SLC9C1: variants seen among roughly 807,000 people sequenced by gnomAD.
SLC9C1 encodes the protein solute carrier family 9 member C1.
In SLC9C1, 97 loss-of-function variants were observed where a neutral mutation model predicts 140.9. That is an observed-to-expected ratio of 0.69 (90% confidence interval 0.58 to 0.82). SLC9C1 has a LOEUF of 0.82. Ranked by LOEUF, SLC9C1 falls within the 40% of genes least tolerant of loss-of-function variation. SLC9C1 has a pLI of 0.00. For synonymous variants in SLC9C1, 440 were observed against 442.6 expected (o/e 0.99, Z 0.07); for missense variants, 1,340 against 1,389.3 (o/e 0.96, Z 0.56).
At chr3:112,202,515 A>G in intron 17 of SLC9C1, 116 bp from the exon 18 acceptor site, 1 of 971,436 alleles carries the variant, frequency 1.0e-6, no homozygotes, top group Non-Finnish European at 1.5e-6. Flanking sequence ...AAAGGTAACT[A>G]CAATAACCTG....
At position 112,160,069 on chromosome 3, in the gene SLC9C1, A is replaced by G. The variant is rs567901263; in HGVS notation, c.3365-5020T>C. ...ATGTAGTCCATTTACATTCATTGTT[A>G]CTACTAATAGGTAGGGACTTACTAC... is the stretch of plus-strand genomic sequence containing the variant. On this transcript the variant is annotated intron_variant, in intron 26 of 28. Coordinates refer to ENST00000305815, the MANE Select transcript of SLC9C1 (RefSeq NM_183061.3). Among the ~76,000 whole-genome samples, 21 of 151,854 alleles carry G rather than the reference A, an allele frequency of 1.4e-4. No homozygotes were observed. In the East Asian group the frequency reaches 4.1e-3, roughly 29 times the overall value.
chr3:112,202,823 C>T (rs1389282009), intron 17 of SLC9C1, among the ~76,000 whole-genome samples: 2 of 151,972 alleles, frequency 1.3e-5, no homozygotes, highest in African/African-American at 4.8e-5. Context: ...CACAACCATA[C>T]TGCCTGTTAG....
intron 20 of SLC9C1, among the ~76,000 whole-genome samples, chr3:112,186,816 A>G (rs2077549696): frequency 6.6e-6 from 1 of 152,218 alleles, no homozygotes; most frequent in Non-Finnish European, 1.5e-5. Context: ...AGTCGCTTAA[A>G]TAGTGACAAA....
At chr3:112,215,057 A>G (rs549336476) in intron 15 of SLC9C1, among the ~76,000 whole-genome samples, 101 of 152,330 alleles carry the variant, frequency 6.6e-4, no homozygotes, top group Non-Finnish European at 1.2e-3. Flanking sequence ...GGTTCAACAT[A>G]CACAAATCAA....
chr3:112,160,668 A>C (rs2075271092), intron 26 of SLC9C1, among the ~76,000 whole-genome samples: 1 of 151,156 alleles, frequency 6.6e-6, no homozygotes, highest in Non-Finnish European at 1.5e-5. Flanking sequence ...CCAGTCTATC[A>C]TTGTTGGACA....
chr3:112,177,799 T>TA (rs201008640), intron 23 of SLC9C1, among the ~76,000 whole-genome samples: 13 of 149,368 alleles, frequency 8.7e-5, no homozygotes, highest in Non-Finnish European at 1.6e-4. Flanking sequence ...GTTTTTTTTT[T>TA]ATAGCAGATG....
At chr3:112,259,227 T>G (rs1053099362) in intron 10 of SLC9C1, among the ~76,000 whole-genome samples, 1 of 151,990 alleles carries the variant, frequency 6.6e-6, no homozygotes, top group Non-Finnish European at 1.5e-5. Flanking sequence ...TTCTTACTTA[T>G]AAGTGGGAGC....
chr3:112,150,257 T>C (rs538235878), intron 28 of SLC9C1, among the ~76,000 whole-genome samples: 7 of 152,304 alleles, frequency 4.6e-5, no homozygotes, highest in African/African-American at 1.7e-4. Flanking sequence ...AAAAATGGCA[T>C]CCTGCTCTCA....
At chr3:112,218,108 C>G (rs1466911731) in intron 14 of SLC9C1, among the ~76,000 whole-genome samples, 1 of 151,070 alleles carries the variant, frequency 6.6e-6, no homozygotes, top group African/African-American at 2.4e-5. Context: ...AGAAAAGTCA[C>G]TGGTCATAAG....
At chr3:112,289,319 TTGTC>T (rs1419700594) in intron 1 of SLC9C1, among the ~76,000 whole-genome samples, 3 of 152,160 alleles carry the variant, frequency 2.0e-5, no homozygotes, top group Admixed American at 6.5e-5. Context: ...GATCTGCGCT[TTGTC>T]TGGGTAATTT....
rs386397631 is a variant in SLC9C1 at position 112,283,843 on chromosome 3, C to CA, written c.88+2860dup. 1.5e-3 allele frequency among the ~76,000 whole-genome samples: 165 copies of CA among 111,892 alleles called. 2 individuals are homozygous for CA. The highest frequency in any genetic ancestry group is 4.4e-3 in the South Asian group (15 of 3,410). The allele number at this position is 111,892 out of a possible 152,430, so 73.4% of individuals were successfully genotyped here. ...GCTCTTTAGTCCACAAATCACTGTG[C>CA]AAAAAAAAAAAAAAAAAGATGGGCA... On this transcript the variant is annotated intron_variant, in intron 2 of 28. Transcript: ENST00000305815.
chr3:112,209,328 T>A (rs2078139472), intron 15 of SLC9C1, among the ~76,000 whole-genome samples: 1 of 152,206 alleles, frequency 6.6e-6, no homozygotes, highest in Admixed American at 6.5e-5. Flanking sequence ...AGTTTAAGCC[T>A]TGTTAACTTT....
chr3:112,167,412 T>C, intron 25 of SLC9C1, 65 bp from the exon 26 acceptor site: 2 of 1,470,002 alleles, frequency 1.4e-6, no homozygotes, highest in Non-Finnish European at 1.8e-6. Flanking sequence ...ATTTACCTAG[T>C]AAGCTGCTAT....
At chr3:112,167,629 C>G (rs1023068677) in intron 25 of SLC9C1, among the ~76,000 whole-genome samples, 1 of 151,962 alleles carries the variant, frequency 6.6e-6, no homozygotes, top group East Asian at 1.9e-4. Flanking sequence ...CATCCAGAGA[C>G]TTTTTCCACA....
At chr3:112,150,793 C>CATATATATATATATAAATACATATACAT (rs2074938065) in intron 28 of SLC9C1, among the ~76,000 whole-genome samples, 62 of 56,870 alleles carry the variant, frequency 1.1e-3, no homozygotes, top group African/African-American at 3.6e-3. Flanking sequence ...AATACATATA[C>CATATATATATATATAAATACATATACAT]ATATATATAT....
At position 112,145,832 on chromosome 3, in the gene SLC9C1, C is replaced by T. The variant is rs371144887; in HGVS notation, c.3525-4551G>A. On this transcript the variant is annotated intron_variant, in intron 28 of 28. Coordinates refer to ENST00000305815, the MANE Select transcript of SLC9C1 (RefSeq NM_183061.3). Reference sequence around the variant, plus strand: ...AAATGAATCGTGGGGGCAAGTCTTTCCTGTGTTGTTCTCATGATAGTGAAT... The same window carrying T: ...AAATGAATCGTGGGGGCAAGTCTTTTCTGTGTTGTTCTCATGATAGTGAAT... 9.2e-5 allele frequency among the ~76,000 whole-genome samples: 14 copies of T among 152,038 alleles called. No homozygotes were observed. The East Asian group carries it at 1.7e-3, about 19-fold the overall frequency.
chr3:112,188,461 C>T (rs1030598531), intron 20 of SLC9C1, among the ~76,000 whole-genome samples: 14 of 151,250 alleles, frequency 9.3e-5, no homozygotes, highest in Admixed American at 3.3e-4. Context: ...GTTCAATTCC[C>T]ACCTATAAGT....
At position 112,143,836 on chromosome 3, in the gene SLC9C1, A is replaced by G. The variant is rs570014968; in HGVS notation, c.3525-2555T>C. On this transcript the variant is annotated intron_variant, in intron 28 of 28. Transcript: ENST00000305815. The stretch of plus-strand genomic sequence containing the variant: ...GCCAGTGTCGAGAATAGTGTTTCCT[A>G]GGTTTTCATCTAGGATTCTTATGGT... Among the ~76,000 whole-genome samples, 8 of 152,252 alleles carry G rather than the reference A, an allele frequency of 5.3e-5. No individual in the cohort carries two copies. In the South Asian group the frequency reaches 1.7e-3, roughly 32 times the overall value.
At chr3:112,290,462 T>G (rs2080646492) in intron 1 of SLC9C1, among the ~76,000 whole-genome samples, 1 of 152,172 alleles carries the variant, frequency 6.6e-6, no homozygotes, top group Non-Finnish European at 1.5e-5. Context: ...CTGACAAGTG[T>G]TCTTTGTTTG....
Sources: allele counts gnomAD v4.1 joint callset (sites outside exome capture counted in the v4.1 genomes callset), GRCh38; gene constraint gnomAD v4.1.1; transcripts MANE v1.5; gene names NCBI Gene and HGNC (gene_info 2026-07-23, HGNC 2026-07-21).